Variants in HEMK2 observed in about 807,000 individuals in gnomAD.
HEMK2 encodes the protein methyltransferase HEMK2.
At chr21:28,766,178 T>C in the HEMK2 span, among the ~76,000 whole-genome samples, 39 of 151,798 alleles carry the variant, frequency 2.6e-4, no homozygotes, top group African/African-American at 8.5e-4. Context: ...GGGGGAGGGA[T>C]AGTGTTAGGA....
chr21:28,633,188 TG>T, the HEMK2 span, among the ~76,000 whole-genome samples: 1 of 152,162 alleles, frequency 6.6e-6, no homozygotes. Flanking sequence ...ACCTGTGTAC[TG>T]AAAGGGCAAG....
the HEMK2 span, among the ~76,000 whole-genome samples, chr21:28,638,292 T>C: frequency 6.6e-6 from 1 of 152,216 alleles, no homozygotes; most frequent in Non-Finnish European, 1.5e-5. Context: ...TGGTCTGCAA[T>C]TTGAAGGTTA....
chr21:28,808,362 C>T, the HEMK2 span, among the ~76,000 whole-genome samples: 1 of 151,102 alleles, frequency 6.6e-6, no homozygotes, highest in Non-Finnish European at 1.5e-5. Flanking sequence ...GTTCTAGATC[C>T]CTTGCATTTC....
the HEMK2 span, among the ~76,000 whole-genome samples, chr21:28,807,521 C>T: frequency 6.6e-6 from 1 of 152,204 alleles, no homozygotes; most frequent in Non-Finnish European, 1.5e-5. Context: ...GTTCATCCTA[C>T]AAAGAACTCT....
the HEMK2 span, among the ~76,000 whole-genome samples, chr21:28,605,909 G>GA: frequency 6.6e-6 from 1 of 152,104 alleles, no homozygotes; most frequent in Middle Eastern, 3.2e-3. Context: ...AGGTATCCAT[G>GA]ATATTTGGAC....
At chr21:28,617,969 G>A in the HEMK2 span, among the ~76,000 whole-genome samples, 1 of 152,024 alleles carries the variant, frequency 6.6e-6, no homozygotes, top group Non-Finnish European at 1.5e-5. Context: ...TGTACTGTTT[G>A]TAAAGATGGA....
the HEMK2 span, among the ~76,000 whole-genome samples, chr21:28,843,699 C>G: frequency 6.6e-6 from 1 of 151,986 alleles, no homozygotes; most frequent in Non-Finnish European, 1.5e-5. Flanking sequence ...GCAGATAAGC[C>G]AGTTCTGTGG....
At chr21:28,840,020 C>T in the HEMK2 span, among the ~76,000 whole-genome samples, 1 of 152,200 alleles carries the variant, frequency 6.6e-6, no homozygotes, top group Non-Finnish European at 1.5e-5. Context: ...AAAATAGGCA[C>T]AAAGACCAAT....
At chr21:28,831,455 A>AAAGAAAGAAAAGAAAG in the HEMK2 span, among the ~76,000 whole-genome samples, 5 of 56,968 alleles carry the variant, frequency 8.8e-5, 1 homozygote, top group African/African-American at 5.0e-4. Flanking sequence ...AAAAAGAAAG[A>AAAGAAAGAAAAGAAAG]AAAGAACGAA....
chr21:28,588,663 T>C, the HEMK2 span, among the ~76,000 whole-genome samples: 2 of 151,978 alleles, frequency 1.3e-5, no homozygotes, highest in Admixed American at 1.3e-4. Flanking sequence ...AAGCCATGGG[T>C]GAGACAGAAG....
the HEMK2 span, among the ~76,000 whole-genome samples, chr21:28,849,347 AAAC>A: frequency 3.9e-5 from 6 of 152,254 alleles, no homozygotes; most frequent in Non-Finnish European, 7.4e-5. Flanking sequence ...AAAAGCAAAA[AAAC>A]AACAACAACA....
chr21:28,643,970 G>A, the HEMK2 span, among the ~76,000 whole-genome samples: 1 of 152,192 alleles, frequency 6.6e-6, no homozygotes, highest in Non-Finnish European at 1.5e-5. Flanking sequence ...AACTGCATGT[G>A]AGAAGGTTCC....
At chr21:28,705,468 A>C in the HEMK2 span, among the ~76,000 whole-genome samples, 9 of 98,240 alleles carry the variant, frequency 9.2e-5, no homozygotes, top group Non-Finnish European at 1.2e-4. Flanking sequence ...CAGAAATAGA[A>C]AACCAACATA....
chr21:28,784,301 C>G, the HEMK2 span, among the ~76,000 whole-genome samples: 5 of 152,184 alleles, frequency 3.3e-5, no homozygotes, highest in Admixed American at 6.5e-5. Flanking sequence ...GTGTCTAGCT[C>G]AAGGTTTGTA....
the HEMK2 span, among the ~76,000 whole-genome samples, chr21:28,757,478 C>G: frequency 6.6e-6 from 1 of 152,066 alleles, no homozygotes; most frequent in Non-Finnish European, 1.5e-5. Flanking sequence ...GACCCTCTGG[C>G]CAAATGCAGC....
the HEMK2 span, among the ~76,000 whole-genome samples, chr21:28,681,366 G>A: frequency 1.2e-3 from 177 of 152,166 alleles, no homozygotes; most frequent in African/African-American, 4.1e-3. Context: ...ACCTCTTCAA[G>A]GAGAACTACA....
the HEMK2 span, among the ~76,000 whole-genome samples, chr21:28,657,550 A>C: frequency 3.9e-5 from 6 of 152,214 alleles, no homozygotes; most frequent in African/African-American, 1.4e-4. Context: ...GGCAGACTAC[A>C]ACAACACCAT....
the HEMK2 span, among the ~76,000 whole-genome samples, chr21:28,754,929 A>T: frequency 1.3e-5 from 2 of 152,230 alleles, no homozygotes; most frequent in African/African-American, 2.4e-5. Context: ...AGCAAGAGCT[A>T]GGGAGAAACG....
the HEMK2 span, among the ~76,000 whole-genome samples, chr21:28,761,939 G>A: frequency 2.6e-5 from 4 of 152,070 alleles, no homozygotes; most frequent in Admixed American, 2.0e-4. Context: ...GAGATCACTA[G>A]ACTGAGGTAG....
Sources: gnomAD v4.1 joint callset for allele counts (sites outside exome capture counted in the v4.1 genomes callset) on GRCh38, gnomAD v4.1.1 for gene constraint, MANE v1.5 for transcripts, NCBI Gene and HGNC (gene_info 2026-07-23, HGNC 2026-07-21) for gene names.